AGBL4: variants seen among roughly 807,000 people sequenced by gnomAD.
The protein encoded by AGBL4 is AGBL carboxypeptidase 4.
In AGBL4, 58 loss-of-function variants were observed where a neutral mutation model predicts 66.4. That is an observed-to-expected ratio of 0.87 (90% CI 0.71 to 1.09). The LOEUF (loss-of-function observed/expected upper bound fraction) is 1.09. Among genes scored for constraint, AGBL4 ranks in the 50% least tolerant of loss-of-function variants. The pLI is 0.00. For missense variants in AGBL4, 579 were observed against 631.0 expected (o/e 0.92, Z 0.88); for synonymous variants, 234 against 222.9 (o/e 1.05, Z -0.44).
intron 3 of AGBL4, among the ~76,000 whole-genome samples, chr1:49,632,114 T>G (rs1195183256): frequency 6.6e-6 from 1 of 152,008 alleles, no homozygotes; most frequent in Non-Finnish European, 1.5e-5. Context: ...GAACTAAGAG[T>G]GTAGTAGAGA....
At chr1:49,394,499 C>T (rs539077042) in intron 3 of AGBL4, among the ~76,000 whole-genome samples, 17 of 152,168 alleles carry the variant, frequency 1.1e-4, no homozygotes, top group Non-Finnish European at 1.5e-4. Context: ...GCTCCCACCC[C>T]ACATCACTGT....
chr1:49,982,479 C>T (rs930806302), intron 1 of AGBL4, among the ~76,000 whole-genome samples: 4 of 152,336 alleles, frequency 2.6e-5, no homozygotes, highest in African/African-American at 9.6e-5. Context: ...CAGCTCAGCA[C>T]TGGCCTACAG....
At chr1:49,919,619 C>T (rs1404093177) in intron 1 of AGBL4, among the ~76,000 whole-genome samples, 2 of 152,044 alleles carry the variant, frequency 1.3e-5, no homozygotes, top group African/African-American at 2.4e-5. Context: ...ACATTCCATG[C>T]TCATGGGTAG....
chr1:49,663,661 A>G (rs1035227283), intron 3 of AGBL4, among the ~76,000 whole-genome samples: 1 of 152,132 alleles, frequency 6.6e-6, no homozygotes, highest in Non-Finnish European at 1.5e-5. Context: ...GGCCTCTGCA[A>G]TACATAAATG....
intron 6 of AGBL4, among the ~76,000 whole-genome samples, chr1:48,813,534 G>C (rs1312006238): frequency 6.6e-6 from 1 of 152,114 alleles, no homozygotes; most frequent in African/African-American, 2.4e-5. Flanking sequence ...TCATCTAAAG[G>C]GAGCCTAGGC....
At chr1:49,195,034 G>C (rs925937992) in intron 4 of AGBL4, among the ~76,000 whole-genome samples, 2 of 151,958 alleles carry the variant, frequency 1.3e-5, no homozygotes, top group Non-Finnish European at 2.9e-5. Flanking sequence ...CAGAGATGGA[G>C]TCTTGCTTTT....
At chr1:49,901,055 G>C (rs1649719956) in intron 1 of AGBL4, among the ~76,000 whole-genome samples, 1 of 152,182 alleles carries the variant, frequency 6.6e-6, no homozygotes, top group South Asian at 2.1e-4. Context: ...TAAGCACAGA[G>C]TCAAAGGACC....
intron 3 of AGBL4, among the ~76,000 whole-genome samples, chr1:49,524,043 C>A (rs146080734): frequency 6.6e-6 from 1 of 152,120 alleles, no homozygotes; most frequent in East Asian, 1.9e-4. Context: ...GCACTTTGTA[C>A]ACATTGTGTC....
chr1:49,381,000 C>T (rs974691744), intron 3 of AGBL4, among the ~76,000 whole-genome samples: 2 of 152,182 alleles, frequency 1.3e-5, no homozygotes, highest in African/African-American at 4.8e-5. Flanking sequence ...CAAATGGGAT[C>T]TAATTAAACT....
chr1:49,072,612 C>T (rs1255357469), intron 4 of AGBL4, among the ~76,000 whole-genome samples: 1 of 152,208 alleles, frequency 6.6e-6, no homozygotes, highest in Admixed American at 6.5e-5. Flanking sequence ...GAGAGATCTG[C>T]TGTTAGTCTG....
intron 2 of AGBL4, among the ~76,000 whole-genome samples, chr1:49,831,195 G>A (rs970239228): frequency 1.3e-5 from 2 of 152,102 alleles, no homozygotes; most frequent in Admixed American, 1.3e-4. Flanking sequence ...AAATTACTTT[G>A]GGCAGTATGG....
intron 9 of AGBL4, 110 bp from the exon 10 acceptor site, chr1:48,591,095 C>CG: frequency 2.7e-6 from 2 of 741,904 alleles, no homozygotes; most frequent in Non-Finnish European, 4.1e-6. Flanking sequence ...CACCCACCCC[C>CG]CCCCACACAC....
chr1:49,845,479 A>G (rs1646116039), intron 2 of AGBL4: 3 of 1,571,338 alleles, frequency 1.9e-6, no homozygotes, highest in Non-Finnish European at 2.6e-6. Context: ...GCGAATCCAC[A>G]CTGGGGAGAA....
chr1:49,845,617 A>G, intron 2 of AGBL4: 1 of 1,607,094 alleles, frequency 6.2e-7, no homozygotes. Context: ...CACCCAGATC[A>G]CACCACTGAT....
At chr1:48,725,690 G>A (rs745329729) in intron 6 of AGBL4, among the ~76,000 whole-genome samples, 1 of 152,164 alleles carries the variant, frequency 6.6e-6, no homozygotes, top group African/African-American at 2.4e-5. Context: ...GACAGCTCCA[G>A]GACCTTGAGC....
intron 6 of AGBL4, among the ~76,000 whole-genome samples, chr1:48,725,202 T>C (rs1425811314): frequency 6.6e-6 from 1 of 152,206 alleles, no homozygotes; most frequent in Admixed American, 6.5e-5. Context: ...ATATAGGGAA[T>C]ACTCTTATCC....
chr1:49,960,900 AATT>A (rs756015526), intron 1 of AGBL4, among the ~76,000 whole-genome samples: 101 of 152,188 alleles, frequency 6.6e-4, no homozygotes, highest in Non-Finnish European at 1.1e-3. Context: ...GGAACTTGAC[AATT>A]ATTACATGAA....
chr1:49,568,865 T>C (rs1644269424), intron 3 of AGBL4, among the ~76,000 whole-genome samples: 1 of 152,082 alleles, frequency 6.6e-6, no homozygotes, highest in Non-Finnish European at 1.5e-5. Flanking sequence ...CCTACAACCA[T>C]CTGATCTTCC....
At chr1:49,051,051 C>G (rs528254278) in intron 4 of AGBL4, among the ~76,000 whole-genome samples, 1 of 152,202 alleles carries the variant, frequency 6.6e-6, no homozygotes, top group Admixed American at 6.5e-5. Context: ...CAGCAGCATT[C>G]TCTGGTCCTC....
Sources: allele counts gnomAD v4.1 joint callset (sites outside exome capture counted in the v4.1 genomes callset), GRCh38; gene constraint gnomAD v4.1.1; transcripts MANE v1.5; gene names NCBI Gene and HGNC (gene_info 2026-07-23, HGNC 2026-07-21).